The following WWOX variants were observed in gnomAD, a reference collection of about 807,000 sequenced individuals.
WWOX encodes WW domain-containing oxidoreductase.
WWOX carries 69 observed loss-of-function variants against 46.2 expected under a neutral mutation model. That is an observed-to-expected ratio of 1.49 (90% confidence interval 1.23 to 1.82). The LOEUF is 1.82. WWOX is among the 40% of genes most tolerant of loss of function. The pLI, the probability that WWOX is intolerant of heterozygous loss-of-function variation, is 0.00. For missense variants in WWOX, 919 were observed against 542.6 expected, an observed-to-expected ratio of 1.69 and a Z score of -6.89; for synonymous variants, 359 against 202.6, an observed-to-expected ratio of 1.77 and a Z score of -6.56.
At chr16:78,669,422 C>T (rs899872116) in intron 8 of WWOX, among the ~76,000 whole-genome samples, 9 of 152,176 alleles carry the variant, frequency 5.9e-5, no homozygotes, top group African/African-American at 1.9e-4. Context: ...TTTACAATGT[C>T]TGGGATATTT....
At chr16:79,057,675 C>G (rs188512962) in intron 8 of WWOX, among the ~76,000 whole-genome samples, 44 of 152,058 alleles carry the variant, frequency 2.9e-4, no homozygotes, top group Non-Finnish European at 5.0e-4. Flanking sequence ...AGGAACTGGC[C>G]TACTATGGTA....
chr16:78,560,300 G>C (rs2044404667), intron 8 of WWOX, among the ~76,000 whole-genome samples: 1 of 152,112 alleles, frequency 6.6e-6, no homozygotes, highest in African/African-American at 2.4e-5. Context: ...AATTACACTA[G>C]CTGCTGGTCT....
intron 8 of WWOX, among the ~76,000 whole-genome samples, chr16:79,074,710 C>G (rs2048621712): frequency 6.6e-6 from 1 of 151,988 alleles, no homozygotes; most frequent in South Asian, 2.1e-4. Context: ...TATTTATCCT[C>G]TTCTTCCCTC....
chr16:78,569,115 A>C (rs1261825732), intron 8 of WWOX, among the ~76,000 whole-genome samples: 1 of 152,156 alleles, frequency 6.6e-6, no homozygotes, highest in Non-Finnish European at 1.5e-5. Flanking sequence ...ACCGTTTCTT[A>C]AAATTACAGG....
chr16:79,211,919 A>G lies in WWOX; in HGVS notation c.*123A>G. On this transcript the variant is annotated 3_prime_UTR_variant, in exon 9 of 9. Transcript: ENST00000566780. The stretch of plus-strand genomic sequence containing the variant: ...GATCCGCAAGAGTAAAGGAAATAAG[A>G]GCAGTCACAACAGAGTGAAAAATCT... 2 of 1,543,664 alleles carry G rather than the reference A, an allele frequency of 1.3e-6. No individual in the cohort carries two copies. The highest frequency in any genetic ancestry group is 2.4e-5 in the East Asian group (1 of 41,116).
chr16:78,974,672 A>G (rs2046536539), intron 8 of WWOX, among the ~76,000 whole-genome samples: 1 of 152,196 alleles, frequency 6.6e-6, no homozygotes, highest in African/African-American at 2.4e-5. Context: ...AGAGGAGGAC[A>G]GATTATTCTG....
intron 8 of WWOX, among the ~76,000 whole-genome samples, chr16:79,088,241 C>G (rs1237843649): frequency 6.6e-6 from 1 of 152,146 alleles, no homozygotes; most frequent in East Asian, 1.9e-4. Flanking sequence ...ACTTGGATCC[C>G]TAAGCACAGC....
intron 8 of WWOX, chr16:79,106,897 C>A (rs1261833023): frequency 2.0e-5 from 3 of 150,094 alleles, no homozygotes; most frequent in African/African-American, 4.9e-5. Flanking sequence ...AACATCTGCC[C>A]CCCGGGTTCA....
intron 8 of WWOX, among the ~76,000 whole-genome samples, chr16:78,871,896 C>T (rs992602382): frequency 6.6e-6 from 1 of 152,224 alleles, no homozygotes; most frequent in Non-Finnish European, 1.5e-5. Flanking sequence ...AGCCCCCAGG[C>T]CCTACCCTGG....
At chr16:78,848,809 TA>T (rs765362735) in intron 8 of WWOX, among the ~76,000 whole-genome samples, 1 of 141,874 alleles carries the variant, frequency 7.0e-6, no homozygotes, top group Non-Finnish European at 1.6e-5. Context: ...TTTTTTTTTT[TA>T]ACCTCCTCTG....
At chr16:78,113,941 C>T (rs1269077783) in intron 3 of WWOX, among the ~76,000 whole-genome samples, 3 of 151,372 alleles carry the variant, frequency 2.0e-5, no homozygotes, top group African/African-American at 7.3e-5. Flanking sequence ...CACACACATA[C>T]TTTTAAAATA....
chr16:78,755,160 A>G (rs975918393), intron 8 of WWOX, among the ~76,000 whole-genome samples: 2 of 151,308 alleles, frequency 1.3e-5, no homozygotes, highest in African/African-American at 4.9e-5. Context: ...GCACATGTAC[A>G]CCTATGTAAC....
In WWOX at chr16:78,390,063, G is replaced by C. The variant is rs577424860; in HGVS notation, c.605+3115G>C. On this transcript the variant is annotated intron_variant, in intron 6 of 8. Transcript: ENST00000566780. ...TGCCCGACCCTTTCATTTTAAATGT[G>C]ATAGAAACAGACTCAGAGAATGTGA... 9.9e-5 allele frequency among the ~76,000 whole-genome samples: 15 copies of C among 152,274 alleles called. No individual in the cohort carries two copies. The South Asian group carries it at 1.7e-3, about 17-fold the overall frequency.
chr16:78,683,985 A>G (rs975883493), intron 8 of WWOX, among the ~76,000 whole-genome samples: 6 of 152,132 alleles, frequency 3.9e-5, no homozygotes, highest in African/African-American at 1.2e-4. Context: ...CTCCTGCACA[A>G]CTGTGGCGTT....
At chr16:78,799,848 A>T (rs2050839308) in intron 8 of WWOX, among the ~76,000 whole-genome samples, 1 of 152,178 alleles carries the variant, frequency 6.6e-6, no homozygotes, top group Non-Finnish European at 1.5e-5. Context: ...CAAATTTTAA[A>T]TGCATATTAG....
chr16:78,695,186 A>T (rs780478421), intron 8 of WWOX, among the ~76,000 whole-genome samples: 4 of 152,190 alleles, frequency 2.6e-5, no homozygotes, highest in Non-Finnish European at 1.5e-5. Flanking sequence ...CTGTTAAGGT[A>T]TGAAAACCCT....
chr16:78,748,212 C>T lies in WWOX; in HGVS notation c.1056+315460C>T, dbSNP rs372366420. 1.8e-4 allele frequency among the ~76,000 whole-genome samples: 27 copies of T among 152,256 alleles called. No homozygotes were observed. In the East Asian group the frequency reaches 2.5e-3, roughly 14 times the overall value. On this transcript the variant is annotated intron_variant, in intron 8 of 8. Transcript: ENST00000566780. ...CAGGCACCAAAGCTAGGGCAGTGTC[C>T]ACTCAATACATATCTGATGAATGAA...
At chr16:78,252,423 C>T (rs542118231) in intron 5 of WWOX, among the ~76,000 whole-genome samples, 74 of 152,284 alleles carry the variant, frequency 4.9e-4, no homozygotes, top group African/African-American at 1.6e-3. Context: ...TTAAAAACTA[C>T]GTGGGTATGT....
chr16:79,169,405 C>G (rs1223592912), intron 8 of WWOX, among the ~76,000 whole-genome samples: 1 of 152,182 alleles, frequency 6.6e-6, no homozygotes, highest in African/African-American at 2.4e-5. Flanking sequence ...GTTGGAGGAA[C>G]TTGGAGAAAT....
Sources: allele counts gnomAD v4.1 joint callset (sites outside exome capture counted in the v4.1 genomes callset), GRCh38; gene constraint gnomAD v4.1.1; transcripts MANE v1.5; gene names NCBI Gene and HGNC (gene_info 2026-07-23, HGNC 2026-07-21).